Variants in RTKN2 observed in about 807,000 individuals in gnomAD.
RTKN2 encodes rhotekin 2.
RTKN2 carries 69 observed loss-of-function variants against 71.5 expected under a neutral mutation model. That is an observed-to-expected ratio of 0.96 (90% CI 0.79 to 1.18). RTKN2 has a LOEUF of 1.18. RTKN2 is among the 50% of genes most tolerant of loss of function. RTKN2 has a pLI of 0.00. For missense variants in RTKN2, 724 were observed against 719.7 expected (o/e 1.01, Z -0.07); for synonymous variants, 236 against 236.5 (o/e 1.00, Z 0.02).
intron 2 of RTKN2, among the ~76,000 whole-genome samples, chr10:62,257,025 A>T (rs908769752): frequency 6.6e-6 from 1 of 152,184 alleles, no homozygotes; most frequent in African/African-American, 2.4e-5. Flanking sequence ...CTCATCATAC[A>T]CATTAAGGGG....
chr10:62,187,414 C>T (rs1406444726), intron 8 of RTKN2, among the ~76,000 whole-genome samples: 1 of 152,160 alleles, frequency 6.6e-6, no homozygotes, highest in Non-Finnish European at 1.5e-5. Flanking sequence ...AAGTTTCCTC[C>T]CTTCAATCTG....
chr10:62,254,163 C>G (rs934009066), intron 2 of RTKN2, among the ~76,000 whole-genome samples: 4 of 152,056 alleles, frequency 2.6e-5, no homozygotes, highest in African/African-American at 9.7e-5. Flanking sequence ...GCTCTGTGTC[C>G]CACCCAAATC....
At chr10:62,218,084 T>A (rs1207466743) in intron 8 of RTKN2, 111 bp downstream of exon 8, 1 of 692,144 alleles carries the variant, frequency 1.4e-6, no homozygotes, top group Non-Finnish European at 2.4e-6. Flanking sequence ...AACTGACATT[T>A]AAAAAAAGAC....
rs1445304951 is a variant in RTKN2 at position 62,193,895 on chromosome 10, G to A, written c.*4013C>T. 11 of 981,300 alleles carry A rather than the reference G, an allele frequency of 1.1e-5. No homozygotes were observed. The highest frequency in any genetic ancestry group is 1.3e-5 in the Non-Finnish European group (11 of 826,328). 60.8% of individuals were successfully genotyped at this position (981,300 alleles called of 1,614,324 possible). A position where few individuals can be genotyped will look rare whatever the true frequency, so the allele number is the denominator to read the frequency against. On this transcript the variant is annotated 3_prime_UTR_variant, in exon 12 of 12. Transcript: ENST00000373789. Reference sequence around the variant, plus strand: ...GTTAGTCTTATAATAATTAGCACCAGCTACTTGGTATGTCTTTTTCTGATT... The same window carrying A: ...GTTAGTCTTATAATAATTAGCACCAACTACTTGGTATGTCTTTTTCTGATT...
At chr10:62,227,600 A>G (rs1842056598) in intron 6 of RTKN2, among the ~76,000 whole-genome samples, 1 of 152,140 alleles carries the variant, frequency 6.6e-6, no homozygotes, top group South Asian at 2.1e-4. Flanking sequence ...CACGGTAAGG[A>G]ACACTGGATT....
chr10:62,248,505 C>T (rs1842518509), intron 2 of RTKN2, among the ~76,000 whole-genome samples: 2 of 151,986 alleles, frequency 1.3e-5, no homozygotes, highest in South Asian at 2.1e-4. Flanking sequence ...AGAGAGCCAG[C>T]CTGAGGAAAT....
intron 10 of RTKN2, among the ~76,000 whole-genome samples, chr10:62,203,113 T>C (rs763717467): frequency 6.6e-6 from 1 of 152,036 alleles, no homozygotes; most frequent in Non-Finnish European, 1.5e-5. Context: ...TGAGCCAAGA[T>C]TGCGCCATTG....
chr10:62,209,016 T>A (rs568969169), intron 9 of RTKN2, among the ~76,000 whole-genome samples: 1 of 152,312 alleles, frequency 6.6e-6, no homozygotes, highest in South Asian at 2.1e-4. Flanking sequence ...ATGCCAGTAA[T>A]CCCAGCACTT....
At position 62,197,664 on chromosome 10, in the gene RTKN2, A is replaced by G. The variant is rs1031719403; in HGVS notation, c.*244T>C. ...TCAGGAATAAATTAACCCTTCCAAC[A>G]ATTAGGATATTGTCTAGAAACTGCC... On this transcript the variant is annotated 3_prime_UTR_variant, in exon 12 of 12. Coordinates refer to ENST00000373789, the MANE Select transcript of RTKN2 (RefSeq NM_145307.4). 5.4e-6 allele frequency: 7 copies of G among 1,296,292 alleles called. No homozygotes were observed. The highest frequency in any genetic ancestry group is 6.8e-6 in the Non-Finnish European group (7 of 1,024,158). The allele number at this position is 1,296,292 out of a possible 1,614,324, so 80.3% of individuals were successfully genotyped here. A position where few individuals can be genotyped will look rare whatever the true frequency, so the allele number is the denominator to read the frequency against.
Position 62,236,120 on chromosome 10 carries a change from G to A in RTKN2, c.632C>T (p.Ser211Leu), listed in dbSNP as rs1394341616. ...ISKATGKKIS[S>L]VLQEEDDEMC... ...TTCATCATCCTCTTCTTGAAGCACT[G>A]AACTTATTTTCTTTCCTGTAGCTTT... Residue 211 changes from serine (S) to leucine (L), a missense_variant, in exon 6 of 12, where the codon TCA becomes TTA. Ser to Leu is a moderately radical substitution (Grantham distance 145). Transcript: ENST00000373789. The A allele has an allele frequency of 6.2e-7, 1 of 1,612,814 alleles. No homozygotes were observed.
At chr10:62,189,749 C>A (rs946446418), downstream of RTKN2, among the ~76,000 whole-genome samples, 1 of 152,098 alleles carries the variant, frequency 6.6e-6, no homozygotes, top group Admixed American at 6.5e-5. Flanking sequence ...TGGCTTGAAC[C>A]TGGCTTGAAG....
chr10:62,214,092 G>T (rs972102729), intron 9 of RTKN2, among the ~76,000 whole-genome samples: 2 of 151,774 alleles, frequency 1.3e-5, no homozygotes, highest in Admixed American at 6.6e-5. Flanking sequence ...CAACACTGGA[G>T]AAAATTAAGA....
At chr10:62,201,461 T>C (rs1384582289) in intron 10 of RTKN2, among the ~76,000 whole-genome samples, 2 of 152,116 alleles carry the variant, frequency 1.3e-5, no homozygotes, top group Non-Finnish European at 2.9e-5. Context: ...GCTTCAAAGG[T>C]TGATCTCTAG....
chr10:62,253,905 T>C (rs1486658829), intron 2 of RTKN2, among the ~76,000 whole-genome samples: 2 of 152,250 alleles, frequency 1.3e-5, no homozygotes, highest in East Asian at 1.9e-4. Context: ...ACTGTATAGT[T>C]CTATTTATAC....
chr10:62,201,322 AC>A (rs1430873416), intron 10 of RTKN2, among the ~76,000 whole-genome samples: 1 of 152,108 alleles, frequency 6.6e-6, no homozygotes, highest in Non-Finnish European at 1.5e-5. Context: ...AAAATCCACC[AC>A]CATTAGTTAA....
At position 62,196,074 on chromosome 10, in the gene RTKN2, C is replaced by G; in HGVS notation, c.*1834G>C. 1 of 985,214 alleles carries G rather than the reference C, an allele frequency of 1.0e-6. No individual in the cohort carries two copies. The highest frequency in any genetic ancestry group is 1.2e-6 in the Non-Finnish European group (1 of 829,884). 61.0% of individuals were successfully genotyped at this position (985,214 alleles called of 1,614,324 possible). A position where few individuals can be genotyped will look rare whatever the true frequency, so the allele number is the denominator to read the frequency against. On this transcript the variant is annotated 3_prime_UTR_variant, in exon 12 of 12. Transcript: ENST00000373789. ...AAAAAAAAGAATGCTTAGATGCCAG[C>G]TTCAAAACAATTTTCCCTGCAGCAT... is the stretch of plus-strand genomic sequence containing the variant.
At position 62,217,271 on chromosome 10, in the gene RTKN2, T is replaced by C. The variant is rs1365313064; in HGVS notation, c.889-22A>G. On this transcript the variant is annotated intron_variant, in intron 8 of 11. Transcript: ENST00000373789. Reference sequence around the variant, plus strand: ...TTTGCTGAAAAAAAAAAAAAAAAAATCAAGAGACTATCAATTTTAAGTTAT... The same window carrying C: ...TTTGCTGAAAAAAAAAAAAAAAAAACCAAGAGACTATCAATTTTAAGTTAT... 3 of 1,396,252 alleles carry C rather than the reference T, an allele frequency of 2.1e-6. 1 individual carries two copies. The highest frequency in any genetic ancestry group is 4.8e-5 in the East Asian group (2 of 41,268). The allele number at this position is 1,396,252 out of a possible 1,614,324, so 86.5% of individuals were successfully genotyped here. A position where few individuals can be genotyped will look rare whatever the true frequency, so the allele number is the denominator to read the frequency against.
intron 1 of RTKN2, among the ~76,000 whole-genome samples, chr10:62,266,390 T>C (rs1030845767): frequency 1.3e-5 from 2 of 152,322 alleles, no homozygotes; most frequent in African/African-American, 2.4e-5. Context: ...CTAATGGATA[T>C]AGTTAAGCCA....
chr10:62,237,649 T>G (rs1280199378), intron 5 of RTKN2, among the ~76,000 whole-genome samples: 1 of 151,872 alleles, frequency 6.6e-6, no homozygotes, highest in Non-Finnish European at 1.5e-5. Context: ...AGTTTTCATT[T>G]CTTCTTTATA....
Sources: allele counts gnomAD v4.1 joint callset (sites outside exome capture counted in the v4.1 genomes callset), GRCh38; gene constraint gnomAD v4.1.1; transcripts MANE v1.5; gene names NCBI Gene and HGNC (gene_info 2026-07-23, HGNC 2026-07-21).